The following KCNQ2 variants were observed in gnomAD, a reference collection of about 807,000 sequenced individuals.
KCNQ2 encodes potassium voltage-gated channel subfamily Q member 2, also known as potassium voltage-gated channel subfamily KQT member 2.
In KCNQ2, 14 loss-of-function variants were observed where a neutral mutation model predicts 84.8. The ratio of observed to expected loss-of-function variants is 0.17; its 90% CI spans 0.11 to 0.26. The LOEUF (loss-of-function observed/expected upper bound fraction) is 0.26, where lower values mean the gene tolerates loss of function less well. Ranked by LOEUF, KCNQ2 falls within the 10% of genes least tolerant of loss-of-function variation. The pLI is 1.00. For synonymous variants in KCNQ2, 599 were observed against 554.1 expected, an observed-to-expected ratio of 1.08 and a Z score of -1.14; for missense variants, 788 against 1,254.0, an observed-to-expected ratio of 0.63 and a Z score of 5.61.
At chr20:63,447,692 TC>T (rs2081475726) in intron 1 of KCNQ2, among the ~76,000 whole-genome samples, 1 of 152,090 alleles carries the variant, frequency 6.6e-6, no homozygotes, top group Non-Finnish European at 1.5e-5. Context: ...CCTCCCGGGT[TC>T]AAGCAATTCT....
intron 15 of KCNQ2, among the ~76,000 whole-genome samples, chr20:63,409,449 CCA>C (rs1555851881): frequency 5.3e-5 from 8 of 152,244 alleles, no homozygotes; most frequent in Non-Finnish European, 1.2e-4. Context: ...AGTCTGGTAT[CCA>C]CAGAGTCACG....
rs189897527 is a variant in KCNQ2, at chr20:63,452,857, G to A, written c.297-6020C>T. 8.4e-3 allele frequency among the ~76,000 whole-genome samples: 1,276 copies of A among 151,978 alleles called. 76 individuals carry two copies. In the South Asian group the frequency reaches 0.17, roughly 20 times the overall value. On this transcript the variant is annotated intron_variant, in intron 1 of 16. Coordinates refer to ENST00000359125, the MANE Select transcript of KCNQ2 (RefSeq NM_172107.4). ...GTGGGAACTGGGAGCCTCCACACAG[G>A]CCAGCCAGAATGCCTCAGCCCGGGA... is the stretch of plus-strand genomic sequence containing the variant.
intron 11 of KCNQ2, chr20:63,422,805 TGGGGCAGCGAGCACGAG>T (rs2080512765): frequency 6.6e-6 from 1 of 152,216 alleles, no homozygotes; most frequent in Non-Finnish European, 1.5e-5. Context: ...CGGGCCGGGC[TGGGGCAGCGAGCACGAG>T]GGGCCGTGAG....
chr20:63,461,560 T>A (rs2081946933), intron 1 of KCNQ2, among the ~76,000 whole-genome samples: 1 of 152,160 alleles, frequency 6.6e-6, no homozygotes, highest in Non-Finnish European at 1.5e-5. Context: ...GTCAGGACCA[T>A]GGCCAGCACC....
intron 11 of KCNQ2, among the ~76,000 whole-genome samples, chr20:63,421,010 G>A (rs2080455882): frequency 1.3e-5 from 2 of 152,052 alleles, no homozygotes; most frequent in Admixed American, 1.3e-4. Flanking sequence ...AGGCCTTCCT[G>A]GCAGGCAAAG....
rs116631316 is a variant in KCNQ2 at position 63,401,130 on chromosome 20, C to T, written c.*5514G>A. 0.012 allele frequency: 4,345 copies of T among 364,180 alleles called. 130 individuals carry two copies. The South Asian group carries it at 0.15, about 13-fold the overall frequency. The allele number at this position is 364,180 out of a possible 1,614,324, so 22.6% of individuals were successfully genotyped here. A position where few individuals can be genotyped will look rare whatever the true frequency, so the allele number is the denominator to read the frequency against. On this transcript the variant is annotated 3_prime_UTR_variant, in exon 17 of 17. Coordinates refer to ENST00000359125, the MANE Select transcript of KCNQ2 (RefSeq NM_172107.4). Reference sequence around the variant, plus strand: ...GCCAGTCTCCTCGGCCAGCCAGGGGCACCACGGCAAGTGTCCAAGCCCAGA... The same window carrying T: ...GCCAGTCTCCTCGGCCAGCCAGGGGTACCACGGCAAGTGTCCAAGCCCAGA...
chr20:63,450,846 AAAG>A (rs948586596), intron 1 of KCNQ2, among the ~76,000 whole-genome samples: 2 of 152,002 alleles, frequency 1.3e-5, no homozygotes, highest in African/African-American at 4.8e-5. Context: ...AAAAAGCAAA[AAAG>A]AAGAAAACCT....
At position 63,408,670 on chromosome 20, in the gene KCNQ2, G is replaced by A. The variant is rs1225116227; in HGVS notation, c.1764-134C>T. On this transcript the variant is annotated intron_variant, in intron 15 of 16. Transcript: ENST00000359125. This position sits in a 1 kb window ranked among gnomAD's most constrained non-coding sequence, Gnocchi z 5.0. Reference sequence around the variant, plus strand: ...AGCCCAGAGCCGACCAGGGGGCAGTGGGTGCCAGGACAGATGGACGGGGTG... The same window carrying A: ...AGCCCAGAGCCGACCAGGGGGCAGTAGGTGCCAGGACAGATGGACGGGGTG... The A allele has an allele frequency of 7.3e-7, 1 of 1,363,810 alleles. No individual in the cohort carries two copies. The highest frequency in any genetic ancestry group is 2.5e-5 in the East Asian group (1 of 39,940). The allele number at this position is 1,363,810 out of a possible 1,614,324, so 84.5% of individuals were successfully genotyped here.
intron 14 of KCNQ2, 41 bp from the exon 15 acceptor site, chr20:63,413,622 A>AC (rs143349999): frequency 2.6e-6 from 4 of 1,538,522 alleles, no homozygotes; most frequent in Admixed American, 2.0e-5. Context: ...TGGGCCAGAG[A>AC]CCCCCGGCCA....
rs192502885 is a variant in KCNQ2 at position 63,416,777 on chromosome 20, C to G, written c.1302-1651G>C. On this transcript the variant is annotated intron_variant, in intron 12 of 16. Transcript: ENST00000359125. ...AGAGAGACACGCCCACCAGACGGCA[C>G]AGAGATAACCAGCCACAGACATGAG... Among the ~76,000 whole-genome samples, 545 of 152,196 alleles carry G rather than the reference C, an allele frequency of 3.6e-3. 5 individuals carry two copies. The highest frequency in any genetic ancestry group is 0.012 in the African/African-American group (513 of 41,518).
intron 3 of KCNQ2, 67 bp downstream of exon 3, chr20:63,445,171 C>G (rs1304226365): frequency 3.7e-6 from 6 of 1,610,798 alleles, no homozygotes; most frequent in Non-Finnish European, 5.1e-6. Flanking sequence ...CCAGCTCCCC[C>G]CAGGGCTGAG....
At position 63,424,255 on chromosome 20, in the gene KCNQ2, T is replaced by C. The variant is rs538965985; in HGVS notation, c.1218-49A>G. 106 of 1,549,770 alleles carry C rather than the reference T, an allele frequency of 6.8e-5. No individual in the cohort carries two copies. In the Admixed American group the frequency reaches 1.3e-3, roughly 19 times the overall value. ...TTAGTGGCCGCCCACTCAGCACCCA[T>C]GAGGGTCCCCCAACCAGTCCAGCCC... On this transcript the variant is annotated intron_variant, in intron 10 of 16. Transcript: ENST00000359125.
intron 1 of KCNQ2, among the ~76,000 whole-genome samples, chr20:63,466,949 C>A (rs1412494166): frequency 6.6e-6 from 1 of 152,238 alleles, no homozygotes; most frequent in East Asian, 1.9e-4. Flanking sequence ...AAGACAGCCC[C>A]CCGTGAGGTA....
chr20:63,404,270 G>C lies in KCNQ2; in HGVS notation c.*2374C>G, dbSNP rs1174296706. The stretch of plus-strand genomic sequence containing the variant: ...CACCTCGGGGGAGGAAAGAGCAGGT[G>C]GGGCCATACTGGGAGGGAGGAAAGA... On this transcript the variant is annotated 3_prime_UTR_variant, in exon 17 of 17. Coordinates refer to ENST00000359125, the MANE Select transcript of KCNQ2 (RefSeq NM_172107.4). 6.6e-6 allele frequency: 1 copy of C among 152,190 alleles called. No homozygotes were observed. The highest frequency in any genetic ancestry group is 1.5e-5 in the Non-Finnish European group (1 of 68,204). The allele number at this position is 152,190 out of a possible 1,614,324, so 9.4% of individuals were successfully genotyped here. A position where few individuals can be genotyped will look rare whatever the true frequency, so the allele number is the denominator to read the frequency against.
chr20:63,412,002 G>A (rs1040939964), intron 15 of KCNQ2: 1 of 638,644 alleles, frequency 1.6e-6, no homozygotes, highest in Non-Finnish European at 2.8e-6. Flanking sequence ...CGAAACAGGT[G>A]CTCTCCCACA....
At chr20:63,469,783 A>C (rs6011847) in intron 1 of KCNQ2, among the ~76,000 whole-genome samples, 2 of 152,256 alleles carry the variant, frequency 1.3e-5, no homozygotes, top group Non-Finnish European at 2.9e-5. Context: ...GCTGCCTAAC[A>C]CGCCACACGG....
At chr20:63,441,344 T>A (rs1359753201) in intron 5 of KCNQ2, among the ~76,000 whole-genome samples, 1 of 151,822 alleles carries the variant, frequency 6.6e-6, no homozygotes, top group Non-Finnish European at 1.5e-5. Flanking sequence ...TATTTAAGAC[T>A]AATCAGGTAA....
chr20:63,424,195 G>A lies in KCNQ2; in HGVS notation c.1229C>T (p.Pro410Leu), dbSNP rs752579642. Residue 410 changes from proline to leucine, a missense_variant, in exon 11 of 17, where the codon CCG (proline) becomes CTG (leucine). Physicochemically the swap from Pro to Leu is moderately conservative, Grantham distance 98. Coordinates refer to ENST00000359125, the MANE Select transcript of KCNQ2 (RefSeq NM_172107.4). Reference sequence around the variant, plus strand: ...CACTGACCTTGGAGACGGCTCCGGCGGGGGGTCCTTCCTTCAAACAGAAGC... The same window carrying A: ...CACTGACCTTGGAGACGGCTCCGGCAGGGGGTCCTTCCTTCAAACAGAAGC... Reference protein sequence around the residue: ...KSGLAFRKDPPPEPSPSKGSP... With the variant: ...KSGLAFRKDPLPEPSPSKGSP... 26 of 1,555,710 alleles carry A rather than the reference G, an allele frequency of 1.7e-5. 1 individual carries two copies. The highest frequency in any genetic ancestry group is 3.3e-4 in the Middle Eastern group (2 of 6,012).
rs373612617 is a variant in KCNQ2, at chr20:63,400,330, G to A, written c.*6314C>T. ...ATCGCGGCCGCAGGACCCCACACCC[G>A]AAGTCCCCCGCAAACCCGCACTGGC... On this transcript the variant is annotated 3_prime_UTR_variant, in exon 17 of 17. Transcript: ENST00000359125. This position sits in a 1 kb window ranked among gnomAD's most constrained non-coding sequence, Gnocchi z 8.7. 1.5e-4 allele frequency: 45 copies of A among 309,310 alleles called. No homozygotes were observed. Among genetic ancestry groups the A allele is most frequent in the East Asian group, 1.5e-3 (28 of 19,288 alleles). 19.2% of individuals were successfully genotyped at this position (309,310 alleles called of 1,614,324 possible).
Sources: gnomAD v4.1 joint callset for allele counts (sites outside exome capture counted in the v4.1 genomes callset) on GRCh38, gnomAD v4.1.1 for gene constraint, Gnocchi (gnomAD v3.1) non-coding constraint, MANE v1.5 for transcripts, NCBI Gene and HGNC (gene_info 2026-07-23, HGNC 2026-07-21) for gene names.